The following CARMIL1 variants were observed in gnomAD, a reference collection of about 807,000 sequenced individuals.
CARMIL1 encodes capping protein regulator and myosin 1 linker 1, also known as F-actin-uncapping protein LRRC16A.
CARMIL1 carries 90 observed loss-of-function variants against 177.1 expected under a neutral mutation model. The ratio of observed to expected loss-of-function variants is 0.51; its 90% CI spans 0.43 to 0.61. The LOEUF is 0.61. CARMIL1 is among the 20% of genes least tolerant of loss of function. The pLI, the probability that CARMIL1 is intolerant of heterozygous loss-of-function variation, is 0.00. For missense variants in CARMIL1, 1,380 were observed against 1,667.0 expected, an observed-to-expected ratio of 0.83 and a Z score of 3.00; for synonymous variants, 577 against 606.2, an observed-to-expected ratio of 0.95 and a Z score of 0.71.
chr6:25,480,504 T>A (rs1801986226), intron 11 of CARMIL1, among the ~76,000 whole-genome samples: 1 of 151,648 alleles, frequency 6.6e-6, no homozygotes, highest in African/African-American at 2.4e-5. Context: ...ATATCTTTTT[T>A]CGCTTTTACG....
At chr6:25,507,468 G>A (rs1487653828) in intron 17 of CARMIL1, 1 of 152,294 alleles carries the variant, frequency 6.6e-6, no homozygotes, top group African/African-American at 2.4e-5. Context: ...TTCTCCTTGG[G>A]CTTTCATTAG....
chr6:25,546,428 G>C (rs1180649439), intron 26 of CARMIL1, among the ~76,000 whole-genome samples: 1 of 152,054 alleles, frequency 6.6e-6, no homozygotes, highest in Non-Finnish European at 1.5e-5. Flanking sequence ...GGCCAGGCAC[G>C]GTGGCTCACA....
intron 29 of CARMIL1, among the ~76,000 whole-genome samples, chr6:25,575,777 C>T (rs1812533580): frequency 6.6e-6 from 1 of 152,052 alleles, no homozygotes; most frequent in Non-Finnish European, 1.5e-5. Flanking sequence ...CAGTGGAAGC[C>T]TTTCTGATAA....
At chr6:25,439,183 C>G (rs1797497216) in intron 5 of CARMIL1, among the ~76,000 whole-genome samples, 1 of 148,052 alleles carries the variant, frequency 6.8e-6, no homozygotes, top group Non-Finnish European at 1.5e-5. Flanking sequence ...CAAGTATTTT[C>G]TGGGGGGTGG....
At chr6:25,605,140 C>T (rs1329966019) in intron 34 of CARMIL1, among the ~76,000 whole-genome samples, 1 of 152,078 alleles carries the variant, frequency 6.6e-6, no homozygotes, top group African/African-American at 2.4e-5. Flanking sequence ...GGAGGAAATT[C>T]TGACTGTTTT....
At chr6:25,348,457 A>G (rs1375589309) in intron 2 of CARMIL1, among the ~76,000 whole-genome samples, 1 of 152,048 alleles carries the variant, frequency 6.6e-6, no homozygotes. Flanking sequence ...AATCTTAAAC[A>G]TAGAAATAAA....
In CARMIL1 at chr6:25,459,266, C is replaced by CTTTCTTTCTTTCTTTTCTTTCTTTCCT; in HGVS notation, c.615-6604_615-6603insCTTTCTTTCTTTTCTTTCTTTCCTTTT. 4.1e-5 allele frequency among the ~76,000 whole-genome samples: 3 copies of CTTTCTTTCTTTCTTTTCTTTCTTTCCT among 73,772 alleles called. 1 individual carries two copies. Among genetic ancestry groups the CTTTCTTTCTTTCTTTTCTTTCTTTCCT allele is most frequent in the African/African-American group, 9.8e-5 (2 of 20,356 alleles). The allele number at this position is 73,772 out of a possible 152,430, so 48.4% of individuals were successfully genotyped here. On this transcript the variant is annotated intron_variant, in intron 8 of 36. Transcript: ENST00000329474. ...TCTTTCTTTCTTTCTTTCTTTCTTT[C>CTTTCTTTCTTTCTTTTCTTTCTTTCCT]TTTTTTTTTTTTTTAAGACAGGGTC...
At chr6:25,488,953 T>C (rs1582124778) in intron 13 of CARMIL1, among the ~76,000 whole-genome samples, 1 of 152,052 alleles carries the variant, frequency 6.6e-6, no homozygotes, top group East Asian at 1.9e-4. Flanking sequence ...GATCACGAGG[T>C]CAGGAGATCG....
At chr6:25,397,807 G>A (rs9461154) in intron 2 of CARMIL1, among the ~76,000 whole-genome samples, 63,732 of 151,850 alleles carry the variant, frequency 0.42, 13,573 homozygotes, top group Middle Eastern at 0.58. Flanking sequence ...ATTTTCTCGG[G>A]GAATACATGA....
chr6:25,425,621 C>A (rs1796218153), intron 3 of CARMIL1, among the ~76,000 whole-genome samples: 1 of 151,820 alleles, frequency 6.6e-6, no homozygotes, highest in African/African-American at 2.4e-5. Context: ...TGGGGAAAAT[C>A]CGGGAAGAAA....
intron 23 of CARMIL1, among the ~76,000 whole-genome samples, chr6:25,521,238 C>T (rs556890626): frequency 2.0e-5 from 3 of 152,106 alleles, no homozygotes; most frequent in African/African-American, 4.8e-5. Flanking sequence ...ATCGTACAGC[C>T]GAGTTGTACA....
chr6:25,291,292 A>G (rs1781945223), intron 2 of CARMIL1, among the ~76,000 whole-genome samples: 4 of 152,342 alleles, frequency 2.6e-5, no homozygotes, highest in East Asian at 3.9e-4. Context: ...TTTCATTAAC[A>G]TAAAGTATAA....
intron 36 of CARMIL1, chr6:25,612,682 C>T (rs1221064489): frequency 1.2e-6 from 1 of 814,026 alleles, no homozygotes; most frequent in African/African-American, 1.9e-5. Flanking sequence ...TTAATGTCAA[C>T]ACATTGATGT....
At chr6:25,336,338 G>A (rs934563667) in intron 2 of CARMIL1, among the ~76,000 whole-genome samples, 7 of 152,204 alleles carry the variant, frequency 4.6e-5, no homozygotes, top group Non-Finnish European at 8.8e-5. Flanking sequence ...TCAGCCATTA[G>A]TACTCAGCTT....
chr6:25,328,875 A>G (rs953453667), intron 2 of CARMIL1, among the ~76,000 whole-genome samples: 7 of 152,218 alleles, frequency 4.6e-5, no homozygotes, highest in Non-Finnish European at 8.8e-5. Flanking sequence ...GAGCTAGACA[A>G]AACTTCATGT....
chr6:25,317,808 G>A (rs985243230), intron 2 of CARMIL1, among the ~76,000 whole-genome samples: 2 of 151,716 alleles, frequency 1.3e-5, no homozygotes, highest in Non-Finnish European at 2.9e-5. Context: ...CAAGTCACCC[G>A]TCCGCATTAT....
rs749093672 is a variant in CARMIL1, at chr6:25,491,752, C to T, written c.1086C>T (p.Ala362=). 1.9e-6 allele frequency: 3 copies of T among 1,595,032 alleles called. No individual in the cohort carries two copies. Among genetic ancestry groups the T allele is most frequent in the Admixed American group, 3.4e-5 (2 of 58,458 alleles). The change falls in exon 14 of 37, where the codon GCC becomes GCT. Residue 362 remains alanine (A), a synonymous_variant. Coordinates refer to ENST00000329474, the MANE Select transcript of CARMIL1 (RefSeq NM_017640.6). The part of the protein sequence containing the change: ...DDLSHMYNFL[A]QPNAIVHLDL... ...TCAAGCACATGTATAATTTTTTGGC[C>T]CAGCCAAATGCCATTGTTCATCTGG...
chr6:25,338,496 C>A lies in CARMIL1; in HGVS notation c.138+53587C>A, dbSNP rs138337267. The stretch of plus-strand genomic sequence containing the variant: ...AGATGGAAATAGCATGCAGATTATA[C>A]CACAGATTGTCCTAGTAGTTCTTTT... On this transcript the variant is annotated intron_variant, in intron 2 of 36. Transcript: ENST00000329474. Among the ~76,000 whole-genome samples, 380 of 151,768 alleles carry A rather than the reference C, an allele frequency of 2.5e-3. 2 individuals carry two copies. The highest frequency in any genetic ancestry group is 0.01 in the Middle Eastern group (3 of 292).
At chr6:25,598,650 A>G (rs1006140378) in intron 32 of CARMIL1, among the ~76,000 whole-genome samples, 2 of 151,968 alleles carry the variant, frequency 1.3e-5, no homozygotes, top group Admixed American at 1.3e-4. Context: ...CCTCAGTTGT[A>G]TCTTCCAACC....
Sources: gnomAD v4.1 joint callset for allele counts (sites outside exome capture counted in the v4.1 genomes callset) on GRCh38, gnomAD v4.1.1 for gene constraint, MANE v1.5 for transcripts, NCBI Gene and HGNC (gene_info 2026-07-23, HGNC 2026-07-21) for gene names.